The following TCF20 variants were observed in gnomAD, a reference collection of about 807,000 sequenced individuals.
The protein encoded by TCF20 is SPRE-binding protein.
TCF20 carries 3 observed loss-of-function variants against 148.6 expected under a neutral mutation model. The ratio of observed to expected loss-of-function variants is 0.02; its 90% CI spans 0.01 to 0.05. The LOEUF (loss-of-function observed/expected upper bound fraction) is 0.05, where lower values mean the gene tolerates loss of function less well. Among genes scored for constraint, TCF20 ranks in the 10% least tolerant of loss-of-function variants. The pLI, the probability that TCF20 is intolerant of heterozygous loss-of-function variation, is 1.00. For missense variants in TCF20, 2,350 were observed against 2,429.3 expected (o/e 0.97, Z 0.69); for synonymous variants, 1,049 against 909.5 (o/e 1.15, Z -2.76).
chr22:42,168,852 A>G, intron 4 of TCF20, 116 bp from the exon 5 acceptor site: 1 of 1,346,628 alleles, frequency 7.4e-7, no homozygotes, highest in Non-Finnish European at 9.7e-7. Flanking sequence ...AGGCAGAGTC[A>G]GTCCTGACCG....
chr22:42,257,590 T>C (rs1228930731), intron 1 of TCF20, among the ~76,000 whole-genome samples: 1 of 152,170 alleles, frequency 6.6e-6, no homozygotes, highest in Non-Finnish European at 1.5e-5. Context: ...CAGGCAACAA[T>C]GCAGATGATG....
rs759118027 is a variant in TCF20, at chr22:42,216,079, CTTTTTTTTTTTTT to C, written c.-36-751_-36-739del. Among the ~76,000 whole-genome samples the C allele has an allele frequency of 5.9e-4, 30 of 50,576 alleles. 1 individual carries two copies. The East Asian group carries it at 0.015, about 25-fold the overall frequency. 33.2% of individuals were successfully genotyped at this position (50,576 alleles called of 152,430 possible). A position where few individuals can be genotyped will look rare whatever the true frequency, so the allele number is the denominator to read the frequency against. On this transcript the variant is annotated intron_variant, in intron 1 of 5. Coordinates refer to ENST00000677622, the MANE Select transcript of TCF20 (RefSeq NM_001378418.1). ...GGTGTGGGGTAAGAAAAACCAAATC[CTTTTTTTTTTTTT>C]TTTTTTTTTTTTTTTGAGACAAGGT...
intron 3 of TCF20, among the ~76,000 whole-genome samples, chr22:42,175,645 G>C (rs751841199): frequency 7.2e-5 from 11 of 151,792 alleles, no homozygotes; most frequent in Non-Finnish European, 1.5e-4. Context: ...GGCCCAACTG[G>C]TTAGCTCTTG....
intron 1 of TCF20, among the ~76,000 whole-genome samples, chr22:42,233,862 A>G (rs185166168): frequency 1.3e-5 from 2 of 152,324 alleles, no homozygotes; most frequent in Admixed American, 6.5e-5. Flanking sequence ...ACCTCTTCCA[A>G]AAAGTGGCTT....
chr22:42,303,341 G>A (rs1482540751), intron 1 of TCF20, among the ~76,000 whole-genome samples: 1 of 152,258 alleles, frequency 6.6e-6, no homozygotes, highest in Non-Finnish European at 1.5e-5. Flanking sequence ...ATCGTGCAGA[G>A]GAGACCGAGG....
chr22:42,270,352 C>G lies in TCF20; in HGVS notation c.-50G>C, dbSNP rs1926538389. ...GGAGGCGGTTACCTGCAGGAGCCCC[C>G]CGCCCAGTCCCTCGGCCTCCGCCGG... On this transcript the variant is annotated 5_prime_UTR_variant, in exon 1 of 6. Transcript: ENST00000677622. 6.6e-6 allele frequency among the ~76,000 whole-genome samples: 1 copy of G among 151,722 alleles called. No individual in the cohort carries two copies. The highest frequency in any genetic ancestry group is 6.5e-5 in the Admixed American group (1 of 15,278).
rs958104732 is a variant in TCF20 at position 42,290,477 on chromosome 22, T to C, written c.-37+53002A>G. Among the ~76,000 whole-genome samples the C allele has an allele frequency of 6.6e-6, 1 of 152,288 alleles. No homozygotes were observed. The highest frequency in any genetic ancestry group is 1.9e-4 in the East Asian group (1 of 5,178). On this transcript the variant is annotated intron_variant, in intron 1 of 1. Transcript: ENST00000515426. The surrounding 1 kb of genome is among the most constrained non-coding windows in gnomAD (Gnocchi z 4.2). ...GTCAGCTGTGGGTGTGACCAGGCCATGGAGCGGGCAGGCTGGGGGCACGTG... is the reference window on the plus strand; with the variant it reads ...GTCAGCTGTGGGTGTGACCAGGCCACGGAGCGGGCAGGCTGGGGGCACGTG...
At chr22:42,337,819 C>A (rs1455916142) in intron 1 of TCF20, among the ~76,000 whole-genome samples, 1 of 152,262 alleles carries the variant, frequency 6.6e-6, no homozygotes, top group Non-Finnish European at 1.5e-5. Flanking sequence ...ATGACCTTAT[C>A]CGCAATCCTC....
intron 3 of TCF20, among the ~76,000 whole-genome samples, chr22:42,177,465 C>T (rs1805470270): frequency 1.3e-5 from 2 of 152,058 alleles, no homozygotes; most frequent in South Asian, 4.2e-4. Flanking sequence ...ACCCACCTTG[C>T]CGCCAAAAAA....
chr22:42,202,146 G>A (rs1938073246), intron 2 of TCF20, among the ~76,000 whole-genome samples: 1 of 152,208 alleles, frequency 6.6e-6, no homozygotes, highest in African/African-American at 2.4e-5. Flanking sequence ...CTGGCAAGAT[G>A]AGCTAGCTGC....
At chr22:42,176,448 A>T (rs935473358) in intron 3 of TCF20, among the ~76,000 whole-genome samples, 2 of 152,166 alleles carry the variant, frequency 1.3e-5, no homozygotes, top group Admixed American at 1.3e-4. Context: ...GTTATGCCTC[A>T]CGCCTGTTCC....
chr22:42,170,529 G>A (rs1229506111), intron 3 of TCF20, among the ~76,000 whole-genome samples: 1 of 147,304 alleles, frequency 6.8e-6, no homozygotes, highest in Non-Finnish European at 1.5e-5. Context: ...TTGGGAGGCT[G>A]AGGCAGGAGA....
chr22:42,235,157 A>AG (rs1923772110), intron 1 of TCF20, among the ~76,000 whole-genome samples: 1 of 151,710 alleles, frequency 6.6e-6, no homozygotes, highest in South Asian at 2.1e-4. Context: ...AAAAAAAAAA[A>AG]AGAACTTTGT....
chr22:42,293,809 G>A (rs758550412), intron 1 of TCF20, among the ~76,000 whole-genome samples: 1 of 152,212 alleles, frequency 6.6e-6, no homozygotes, highest in Non-Finnish European at 1.5e-5. Context: ...AGACCAGCCC[G>A]ACCAACATGG....
chr22:42,309,133 C>A (rs1257379177), intron 1 of TCF20, among the ~76,000 whole-genome samples: 1 of 152,110 alleles, frequency 6.6e-6, no homozygotes, highest in Non-Finnish European at 1.5e-5. Flanking sequence ...GTGGACCATG[C>A]CCACTCTGCA....
At chr22:42,248,833 A>C (rs2147339673) in intron 1 of TCF20, among the ~76,000 whole-genome samples, 1 of 152,352 alleles carries the variant, frequency 6.6e-6, no homozygotes, top group Non-Finnish European at 1.5e-5. Context: ...CTGGAAATTA[A>C]GTATGGTTTA....
intron 1 of TCF20, among the ~76,000 whole-genome samples, chr22:42,227,852 G>A (rs963562583): frequency 6.6e-6 from 1 of 152,184 alleles, no homozygotes; most frequent in African/African-American, 2.4e-5. Context: ...GAAGACTGAT[G>A]GCAACCCATC....
intron 1 of TCF20, among the ~76,000 whole-genome samples, chr22:42,221,906 T>C (rs536803348): frequency 6.6e-6 from 1 of 151,810 alleles, no homozygotes; most frequent in South Asian, 2.1e-4. Flanking sequence ...GCCTGGCTGA[T>C]TTTTTGTATT....
At chr22:42,323,163 A>AAGTGTTG (rs1927766477) in intron 1 of TCF20, among the ~76,000 whole-genome samples, 1 of 151,342 alleles carries the variant, frequency 6.6e-6, no homozygotes, top group Non-Finnish European at 1.5e-5. Context: ...CAGCCTCCCA[A>AAGTGTTG]AGTGTTGAGA....
Sources: allele counts gnomAD v4.1 joint callset (sites outside exome capture counted in the v4.1 genomes callset), GRCh38; gene constraint gnomAD v4.1.1; non-coding constraint Gnocchi (gnomAD v3.1); transcripts MANE v1.5; gene names NCBI Gene and HGNC (gene_info 2026-07-23, HGNC 2026-07-21).